Variants in AOAH observed in about 807,000 individuals in gnomAD.
The protein encoded by AOAH is acyloxyacyl hydrolase (neutrophil).
AOAH carries 64 observed loss-of-function variants against 92.2 expected under a neutral mutation model. The observed-to-expected ratio is 0.69, with a 90% CI of 0.57 to 0.86. AOAH has a LOEUF of 0.86. AOAH is among the 40% of genes least tolerant of loss of function. AOAH has a pLI of 0.00. For missense variants in AOAH, 656 were observed against 694.6 expected, an observed-to-expected ratio of 0.94 and a Z score of 0.62; for synonymous variants, 263 against 254.5, an observed-to-expected ratio of 1.03 and a Z score of -0.32.
chr7:36,712,006 T>C (rs546489401), intron 1 of AOAH, among the ~76,000 whole-genome samples: 6 of 152,276 alleles, frequency 3.9e-5, no homozygotes, highest in Middle Eastern at 3.4e-3. Context: ...TTTAACCACA[T>C]AAATGGCAAG....
chr7:36,706,925 T>C (rs1341979376), intron 1 of AOAH, among the ~76,000 whole-genome samples: 13 of 152,184 alleles, frequency 8.5e-5, no homozygotes. Flanking sequence ...TGGTTTGATA[T>C]TCTATCTAGA....
At chr7:36,693,715 T>C (rs1209009134) in intron 1 of AOAH, among the ~76,000 whole-genome samples, 1 of 152,182 alleles carries the variant, frequency 6.6e-6, no homozygotes, top group African/African-American at 2.4e-5. Context: ...AAACTATTAT[T>C]AGGCGATAAA....
chr7:36,639,369 T>C (rs915403565), intron 4 of AOAH, among the ~76,000 whole-genome samples: 4 of 152,214 alleles, frequency 2.6e-5, no homozygotes, highest in African/African-American at 9.6e-5. Context: ...GGTAGTCCTC[T>C]GCCTCAATCA....
At chr7:36,515,458 C>T (rs1207584695) in intron 20 of AOAH, among the ~76,000 whole-genome samples, 1 of 121,896 alleles carries the variant, frequency 8.2e-6, no homozygotes, top group East Asian at 2.9e-4. Flanking sequence ...ACACACACCA[C>T]ACACCACACC....
chr7:36,521,983 T>TA, intron 20 of AOAH, 56 bp downstream of exon 20: 2 of 1,476,986 alleles, frequency 1.4e-6, no homozygotes, highest in Admixed American at 3.4e-5. Flanking sequence ...TAACCATAAT[T>TA]AAAAACCAAC....
chr7:36,584,185 C>T (rs1178917773), intron 12 of AOAH, among the ~76,000 whole-genome samples: 1 of 152,130 alleles, frequency 6.6e-6, no homozygotes, highest in Non-Finnish European at 1.5e-5. Flanking sequence ...AAGCTTGTTT[C>T]CCTTTATTTA....
At chr7:36,617,980 C>T (rs1350962189) in intron 10 of AOAH, among the ~76,000 whole-genome samples, 1 of 152,218 alleles carries the variant, frequency 6.6e-6, no homozygotes, top group East Asian at 1.9e-4. Context: ...GTTATGATTG[C>T]TGCCTATTTT....
intron 1 of AOAH, among the ~76,000 whole-genome samples, chr7:36,722,569 G>T (rs1028598817): frequency 9.2e-5 from 14 of 152,142 alleles, no homozygotes; most frequent in African/African-American, 2.7e-4. Flanking sequence ...CCCAGGCATG[G>T]TTCAAAGGAC....
intron 4 of AOAH, among the ~76,000 whole-genome samples, chr7:36,652,052 T>C (rs1794610033): frequency 6.6e-6 from 1 of 152,186 alleles, no homozygotes. Flanking sequence ...AGCACCCAGA[T>C]CTTGGTTTCC....
intron 1 of AOAH, among the ~76,000 whole-genome samples, chr7:36,722,167 C>T (rs1267262054): frequency 6.6e-6 from 1 of 152,126 alleles, no homozygotes; most frequent in Non-Finnish European, 1.5e-5. Context: ...AGCCAGTGTT[C>T]GAACAAATTT....
chr7:36,559,887 A>T (rs1462592023), intron 13 of AOAH, among the ~76,000 whole-genome samples: 1 of 152,118 alleles, frequency 6.6e-6, no homozygotes, highest in Non-Finnish European at 1.5e-5. Flanking sequence ...TAATTCTTTA[A>T]TCCATTTGAG....
intron 13 of AOAH, among the ~76,000 whole-genome samples, chr7:36,565,143 A>C (rs1787596698): frequency 6.6e-6 from 1 of 152,226 alleles, no homozygotes; most frequent in South Asian, 2.1e-4. Context: ...GAGTATATCT[A>C]TAAGCATTTG....
chr7:36,597,413 A>G (rs1357940535), intron 11 of AOAH, among the ~76,000 whole-genome samples: 1 of 152,184 alleles, frequency 6.6e-6, no homozygotes, highest in Non-Finnish European at 1.5e-5. Flanking sequence ...TTCTGCTTAC[A>G]ATGTGTGTTT....
chr7:36,642,480 C>T (rs925022650), intron 4 of AOAH, among the ~76,000 whole-genome samples: 6 of 152,158 alleles, frequency 3.9e-5, no homozygotes, highest in Non-Finnish European at 5.9e-5. Context: ...GATTTCTTGA[C>T]CTTGAACTTC....
intron 11 of AOAH, among the ~76,000 whole-genome samples, chr7:36,604,080 T>A (rs1488609542): frequency 6.6e-6 from 1 of 152,160 alleles, no homozygotes; most frequent in African/African-American, 2.4e-5. Context: ...GTTGCTGGAT[T>A]CTCACATGGG....
chr7:36,704,880 C>T (rs981130484), intron 1 of AOAH, among the ~76,000 whole-genome samples: 4 of 152,068 alleles, frequency 2.6e-5, no homozygotes, highest in African/African-American at 7.2e-5. Flanking sequence ...TAAACAGAAC[C>T]AATGACAAAA....
chr7:36,601,943 TA>T, intron 11 of AOAH, among the ~76,000 whole-genome samples: 1 of 152,316 alleles, frequency 6.6e-6, no homozygotes, highest in Admixed American at 6.5e-5. Flanking sequence ...CATTTTCATG[TA>T]ACAGGTAATC....
chr7:36,689,861 AAT>A (rs1797277532), intron 1 of AOAH, among the ~76,000 whole-genome samples: 1 of 152,190 alleles, frequency 6.6e-6, no homozygotes, highest in African/African-American at 2.4e-5. Flanking sequence ...GAAAACCAAC[AAT>A]AGTTTGGTGC....
intron 13 of AOAH, among the ~76,000 whole-genome samples, chr7:36,572,602 G>A (rs1360473225): frequency 1.3e-5 from 2 of 152,062 alleles, no homozygotes; most frequent in African/African-American, 4.8e-5. Context: ...TAATACAGTT[G>A]GTAGGTGGAA....
Sources: allele counts gnomAD v4.1 joint callset (sites outside exome capture counted in the v4.1 genomes callset), GRCh38; gene constraint gnomAD v4.1.1; transcripts MANE v1.5; gene names NCBI Gene and HGNC (gene_info 2026-07-23, HGNC 2026-07-21).